Variants in TTC7A observed in about 807,000 individuals in gnomAD.
TTC7A encodes tetratricopeptide repeat domain 7A.
A neutral mutation model predicts 103.7 loss-of-function variants in TTC7A; 110 were observed. The ratio of observed to expected loss-of-function variants is 1.06; its 90% CI spans 0.91 to 1.24. The LOEUF is 1.24. TTC7A is among the 50% of genes most tolerant of loss of function. TTC7A has a pLI of 0.00. For missense variants in TTC7A, 1,340 were observed against 1,116.3 expected (o/e 1.20, Z -2.86); for synonymous variants, 521 against 467.9 (o/e 1.11, Z -1.47).
In TTC7A at chr2:46,993,401, T is replaced by G. The variant is rs1675823286; in HGVS notation, c.765-49T>G. 3.8e-6 allele frequency: 6 copies of G among 1,591,534 alleles called. No individual in the cohort carries two copies. In the African/African-American group the frequency reaches 4.0e-5, roughly 11 times the overall value. ...TGCTGGTGTGCTGAGAGCATCCTTC[T>G]TTGCGAGCTAGGCTGGTAACAAATC... is the stretch of plus-strand genomic sequence containing the variant. On this transcript the variant is annotated intron_variant, in intron 5 of 19. Transcript: ENST00000319190.
chr2:47,044,424 A>G (rs1193524187), intron 15 of TTC7A, among the ~76,000 whole-genome samples: 3 of 152,230 alleles, frequency 2.0e-5, no homozygotes, highest in Non-Finnish European at 4.4e-5. Flanking sequence ...AGGAGAGTAC[A>G]GTGGCAAGAC....
intron 2 of TTC7A, 73 bp downstream of exon 2, chr2:46,950,599 T>C: frequency 1.3e-6 from 2 of 1,504,068 alleles, no homozygotes; most frequent in Non-Finnish European, 1.8e-6. Flanking sequence ...CAGTCCTCCC[T>C]GAGTCATTTG....
upstream of TTC7A, among the ~76,000 whole-genome samples, chr2:46,936,565 A>G (rs1669989014): frequency 6.6e-6 from 1 of 152,196 alleles, no homozygotes; most frequent in African/African-American, 2.4e-5. Context: ...TCAGCTCACC[A>G]TTCGCAGACT....
intron 8 of TTC7A, among the ~76,000 whole-genome samples, chr2:47,001,924 G>A (rs146167148): frequency 1.3e-5 from 2 of 151,800 alleles, no homozygotes; most frequent in Non-Finnish European, 2.9e-5. Context: ...TTGACCAAGA[G>A]TAGTCCCTGC....
At chr2:47,023,611 G>T (rs1370593703) in intron 13 of TTC7A, 146 bp downstream of exon 13, 1 of 905,228 alleles carries the variant, frequency 1.1e-6, no homozygotes, top group South Asian at 1.6e-5. Flanking sequence ...CAGCAAGCAG[G>T]GATAGGCGTT....
In TTC7A at chr2:46,917,348, C is replaced by T. The variant is rs976181848; in HGVS notation, c.82+71C>T. The T allele has an allele frequency of 8.3e-6, 5 of 602,252 alleles. No individual in the cohort carries two copies. The Middle Eastern group carries it at 7.6e-4, about 92-fold the overall frequency. 37.3% of individuals were successfully genotyped at this position (602,252 alleles called of 1,614,324 possible). ...CCCTATTAATTCAAGACCCATTCTT[C>T]TTTCCTTACTCTGAACTTTGGATTA... On this transcript the variant is annotated intron_variant, in intron 2 of 20. Transcript: ENST00000409245.
chr2:47,007,178 C>T lies in TTC7A; in HGVS notation c.1287+454C>T, dbSNP rs555638716. 1.6e-4 allele frequency among the ~76,000 whole-genome samples: 24 copies of T among 152,198 alleles called. 1 individual carries two copies. Among genetic ancestry groups the T allele is most frequent in the African/African-American group, 5.5e-4 (23 of 41,512 alleles). On this transcript the variant is annotated intron_variant, in intron 10 of 19. Coordinates refer to ENST00000319190, the MANE Select transcript of TTC7A (RefSeq NM_020458.4). The surrounding 1 kb of genome is among the most constrained non-coding windows in gnomAD (Gnocchi z 4.9). ...AAGCTTAAAGGGCAGAGCAGAACAGCAGCACCCACAAGGGAGTTCGGAGGG... is the reference window on the plus strand; with the variant it reads ...AAGCTTAAAGGGCAGAGCAGAACAGTAGCACCCACAAGGGAGTTCGGAGGG...
chr2:46,947,362 G>A (rs1177232826), intron 1 of TTC7A, among the ~76,000 whole-genome samples: 3 of 152,234 alleles, frequency 2.0e-5, no homozygotes, highest in East Asian at 3.9e-4. Context: ...TGCCTCTTTC[G>A]CAGCCAGTCA....
At chr2:47,066,639 G>A (rs946713431) in intron 19 of TTC7A, among the ~76,000 whole-genome samples, 3 of 152,196 alleles carry the variant, frequency 2.0e-5, no homozygotes, top group South Asian at 2.1e-4. Context: ...GGCGCTTGAG[G>A]GTTACTTTCC....
chr2:47,045,486 A>G (rs751092528), intron 15 of TTC7A: 1 of 152,182 alleles, frequency 6.6e-6, no homozygotes, highest in Non-Finnish European at 1.5e-5. Flanking sequence ...CAACCATTCT[A>G]AGGGCCACTC....
chr2:46,988,505 A>G (rs1209021104), intron 5 of TTC7A, among the ~76,000 whole-genome samples: 2 of 152,244 alleles, frequency 1.3e-5, no homozygotes, highest in Admixed American at 1.3e-4. Flanking sequence ...ACATCTGGCC[A>G]GGGCCATATG....
At chr2:46,953,988 A>G (rs938266342) in intron 2 of TTC7A, among the ~76,000 whole-genome samples, 8 of 151,980 alleles carry the variant, frequency 5.3e-5, no homozygotes, top group African/African-American at 1.9e-4. Flanking sequence ...AGACCCAAGA[A>G]AGGTGATCAC....
At chr2:46,990,895 G>A (rs780001926) in intron 5 of TTC7A, among the ~76,000 whole-genome samples, 1 of 152,130 alleles carries the variant, frequency 6.6e-6, no homozygotes, top group Admixed American at 6.5e-5. Context: ...CAGATTGCTG[G>A]GCCCCACCCC....
chr2:46,993,587 C>T (rs1675847076), intron 6 of TTC7A, 59 bp downstream of exon 6: 5 of 1,532,032 alleles, frequency 3.3e-6, no homozygotes, highest in South Asian at 2.2e-5. Flanking sequence ...TGGGAGACAA[C>T]AGAAGTCCTT....
At chr2:47,046,958 C>T in intron 16 of TTC7A, 1 of 313,156 alleles carries the variant, frequency 3.2e-6, no homozygotes, top group South Asian at 6.4e-5. Context: ...GAAGGGCCAC[C>T]CCTTCTTCCC....
rs777088531 is a variant in TTC7A at position 46,995,150 on chromosome 2, A to G, written c.1016A>G (p.Lys339Arg). The change falls in exon 8 of 20, where the codon AAG becomes AGG. Residue 339 changes from lysine to arginine, a missense_variant. Transcript: ENST00000319190. ...GTGTCTTTCAGCCTCTACTGCCCCAAGGACAACATCGAGGAAGCCCTCCTG... is the reference window on the plus strand; with the variant it reads ...GTGTCTTTCAGCCTCTACTGCCCCAGGGACAACATCGAGGAAGCCCTCCTG... ...LYEGDNLYCP[K>R]DNIEEALLLL... 56 of 1,614,052 alleles carry G rather than the reference A, an allele frequency of 3.5e-5. No individual in the cohort carries two copies. The highest frequency in any genetic ancestry group is 5.0e-5 in the Admixed American group (3 of 60,002).
intron 12 of TTC7A, 89 bp downstream of exon 12, chr2:47,022,068 C>A: frequency 4.5e-6 from 4 of 890,514 alleles, no homozygotes; most frequent in Non-Finnish European, 5.3e-6. Context: ...CGGCACCCCT[C>A]CCCTCAGGCC....
intron 1 of TTC7A, among the ~76,000 whole-genome samples, chr2:46,942,505 C>T (rs961174126): frequency 3.9e-5 from 6 of 152,200 alleles, no homozygotes; most frequent in Non-Finnish European, 8.8e-5. Context: ...TTAAAGACTG[C>T]TCAGCCTGTT....
intron 15 of TTC7A, among the ~76,000 whole-genome samples, chr2:47,044,379 C>A (rs1396757560): frequency 6.6e-6 from 1 of 152,188 alleles, no homozygotes; most frequent in Non-Finnish European, 1.5e-5. Context: ...GCCCCTGATA[C>A]TTATGGAGTG....
Sources: gnomAD v4.1 joint callset for allele counts (sites outside exome capture counted in the v4.1 genomes callset) on GRCh38, gnomAD v4.1.1 for gene constraint, Gnocchi (gnomAD v3.1) non-coding constraint, MANE v1.5 for transcripts, NCBI Gene and HGNC (gene_info 2026-07-23, HGNC 2026-07-21) for gene names.